FBXO16: variants seen among roughly 807,000 people sequenced by gnomAD.
The protein encoded by FBXO16 is F-box only protein 16.
FBXO16 carries 31 observed loss-of-function variants against 41.0 expected under a neutral mutation model. The ratio of observed to expected loss-of-function variants is 0.76; its 90% confidence interval spans 0.57 to 1.02. FBXO16 has a LOEUF of 1.02. Ranked by LOEUF, FBXO16 falls within the 50% of genes least tolerant of loss-of-function variation. The pLI, the probability that FBXO16 is intolerant of heterozygous loss-of-function variation, is 0.00. For synonymous variants in FBXO16, 133 were observed against 117.8 expected, an observed-to-expected ratio of 1.13 and a Z score of -0.84; for missense variants, 361 against 346.2, an observed-to-expected ratio of 1.04 and a Z score of -0.34.
chr8:28,485,668 G>A (rs928477275), intron 1 of FBXO16, among the ~76,000 whole-genome samples: 6 of 152,162 alleles, frequency 3.9e-5, no homozygotes, highest in African/African-American at 1.4e-4. Context: ...TGGAATGAGG[G>A]GCACTCAGAT....
intron 2 of FBXO16, among the ~76,000 whole-genome samples, chr8:28,482,559 G>GTTGTTGTTGTTCTTA: frequency 6.6e-6 from 1 of 152,012 alleles, no homozygotes. Flanking sequence ...AAACGTCTTT[G>GTTGTTGTTGTTCTTA]TTGTTGTTGT....
Position 28,428,849 on chromosome 8 carries a change from A to G in FBXO16, c.870-113T>C, listed in dbSNP as rs549880181. On this transcript the variant is annotated intron_variant, in intron 8 of 8. Transcript: ENST00000380254. ...CGATTTTACAAAATTATAGGGCTGG[A>G]TGGGATTTATTGAGATTTCCCAACT... is the stretch of plus-strand genomic sequence containing the variant. The G allele has an allele frequency of 4.1e-6, 5 of 1,226,200 alleles. No individual in the cohort carries two copies. In the Admixed American group the frequency reaches 9.9e-5, roughly 24 times the overall value. 76.0% of individuals were successfully genotyped at this position (1,226,200 alleles called of 1,614,324 possible).
intron 7 of FBXO16, among the ~76,000 whole-genome samples, chr8:28,443,620 A>G (rs1426178840): frequency 6.6e-6 from 1 of 152,170 alleles, no homozygotes; most frequent in African/African-American, 2.4e-5. Context: ...GGGCAACTCC[A>G]TCTTGAATAG....
chr8:28,441,511 G>A (rs1445526843), intron 7 of FBXO16, among the ~76,000 whole-genome samples: 1 of 152,156 alleles, frequency 6.6e-6, no homozygotes, highest in Non-Finnish European at 1.5e-5. Flanking sequence ...CAAGGTGGGT[G>A]GATCACCTGA....
In FBXO16 at chr8:28,440,073, GC is replaced by G. The variant is rs200958266; in HGVS notation, c.843+7097del. ...GTGTGAATGCTTAGAAACCCATGGG[GC>G]CCCATAGCAAACTCTCATTTTATTT... On this transcript the variant is annotated intron_variant, in intron 7 of 8. Transcript: ENST00000380254. Among the ~76,000 whole-genome samples the G allele has an allele frequency of 5.5e-3, 823 of 149,622 alleles. 3 individuals carry two copies. Among genetic ancestry groups the G allele is most frequent in the African/African-American group, 0.02 (794 of 40,384 alleles).
At chr8:28,474,316 C>CAAAAAAAAAAAAAAAAAA in intron 2 of FBXO16, among the ~76,000 whole-genome samples, 2 of 56,678 alleles carry the variant, frequency 3.5e-5, no homozygotes, top group African/African-American at 6.4e-5. Flanking sequence ...CAGACCCTGT[C>CAAAAAAAAAAAAAAAAAA]AAAAAAAAAA....
intron 7 of FBXO16, among the ~76,000 whole-genome samples, chr8:28,429,700 T>C (rs1224173538): frequency 6.6e-6 from 1 of 152,208 alleles, no homozygotes; most frequent in Non-Finnish European, 1.5e-5. Context: ...ACACAGGGTT[T>C]CTGTAAGTCT....
chr8:28,485,030 A>G (rs935835134), intron 1 of FBXO16, among the ~76,000 whole-genome samples: 1 of 151,980 alleles, frequency 6.6e-6, no homozygotes, highest in Non-Finnish European at 1.5e-5. Flanking sequence ...GTTTTGATAT[A>G]TACACTCAGG....
chr8:28,460,314 T>A (rs546796861), intron 4 of FBXO16, among the ~76,000 whole-genome samples: 1 of 128,272 alleles, frequency 7.8e-6, no homozygotes, highest in East Asian at 2.4e-4. Flanking sequence ...AGAGGCATGA[T>A]CATAGCTTAC....
chr8:28,483,694 A>G (rs1179033442), intron 1 of FBXO16, among the ~76,000 whole-genome samples: 1 of 115,664 alleles, frequency 8.6e-6, no homozygotes, highest in African/African-American at 5.1e-5. Context: ...AAACAAACAA[A>G]TAAAAAATAG....
At chr8:28,444,626 C>T (rs1802833004) in intron 7 of FBXO16, among the ~76,000 whole-genome samples, 1 of 150,734 alleles carries the variant, frequency 6.6e-6, no homozygotes, top group African/African-American at 2.5e-5. Context: ...TACAAGCACC[C>T]GCCACTTCGC....
chr8:28,476,442 T>C (rs535737202), intron 2 of FBXO16, among the ~76,000 whole-genome samples: 2 of 152,356 alleles, frequency 1.3e-5, no homozygotes, highest in African/African-American at 4.8e-5. Flanking sequence ...GTTGTCAGGT[T>C]CTCAGTTGGA....
chr8:28,465,347 G>C (rs7812609), intron 3 of FBXO16: 16 of 445,494 alleles, frequency 3.6e-5, no homozygotes, highest in African/African-American at 2.6e-4. Context: ...AATAGGCCCC[G>C]TGTGGTGGCT....
intron 5 of FBXO16, among the ~76,000 whole-genome samples, chr8:28,453,785 C>T (rs77655306): frequency 0.016 from 2,409 of 152,036 alleles, 132 homozygotes; most frequent in African/African-American, 0.055. Flanking sequence ...TATTTGTCTA[C>T]GTCCTGGGCT....
intron 7 of FBXO16, among the ~76,000 whole-genome samples, chr8:28,437,239 TAA>T (rs1473878578): frequency 6.6e-6 from 1 of 152,248 alleles, no homozygotes. Context: ...GGCATTGGTC[TAA>T]ATGCTAAGTG....
chr8:28,454,728 A>AAG (rs1803011174), intron 5 of FBXO16, among the ~76,000 whole-genome samples: 1 of 95,000 alleles, frequency 1.1e-5, no homozygotes, highest in Non-Finnish European at 2.1e-5. Context: ...ACTCCGTCTT[A>AAG]AAAAAAAAAA....
chr8:28,429,505 GC>G, intron 7 of FBXO16, 102 bp from the exon 8 acceptor site: 1 of 1,398,742 alleles, frequency 7.1e-7, no homozygotes. Flanking sequence ...TTCAAAGTTC[GC>G]CCTTATCTTG....
At chr8:28,432,335 G>A (rs1263884075) in intron 7 of FBXO16, among the ~76,000 whole-genome samples, 1 of 151,976 alleles carries the variant, frequency 6.6e-6, no homozygotes, top group Non-Finnish European at 1.5e-5. Context: ...TTAGCGGGGC[G>A]TGGTGGCGGG....
intron 7 of FBXO16, among the ~76,000 whole-genome samples, chr8:28,436,825 C>T (rs979035336): frequency 7.9e-5 from 12 of 152,226 alleles, no homozygotes; most frequent in Non-Finnish European, 4.4e-5. Flanking sequence ...AATCATAGCT[C>T]ACTGCAGCCT....
Sources: gnomAD v4.1 joint callset for allele counts (sites outside exome capture counted in the v4.1 genomes callset) on GRCh38, gnomAD v4.1.1 for gene constraint, MANE v1.5 for transcripts, NCBI Gene and HGNC (gene_info 2026-07-23, HGNC 2026-07-21) for gene names.